Variants in HS2ST1 observed in about 807,000 individuals in gnomAD.
HS2ST1 encodes heparan sulfate 2-O-sulfotransferase 1.
A neutral mutation model predicts 42.9 loss-of-function variants in HS2ST1; 18 were observed. The ratio of observed to expected loss-of-function variants is 0.42; its 90% CI spans 0.29 to 0.62. HS2ST1 has a LOEUF of 0.62. Ranked by LOEUF, HS2ST1 falls within the 20% of genes least tolerant of loss-of-function variation. The pLI is 0.21. For missense variants in HS2ST1, 334 were observed against 433.8 expected, an observed-to-expected ratio of 0.77 and a Z score of 2.04; for synonymous variants, 146 against 152.9, an observed-to-expected ratio of 0.95 and a Z score of 0.33.
chr1:86,993,130 A>G (rs752393714), intron 1 of HS2ST1: 2 of 1,601,058 alleles, frequency 1.2e-6, no homozygotes, highest in Non-Finnish European at 8.5e-7. Context: ...TATGCCAGGT[A>G]CTGTATTTTG....
chr1:87,047,080 C>A (rs1223257186), intron 1 of HS2ST1, among the ~76,000 whole-genome samples: 2 of 152,110 alleles, frequency 1.3e-5, no homozygotes, highest in African/African-American at 2.4e-5. Context: ...TTCCCACCAG[C>A]AGTTCATGAG....
chr1:87,071,588 G>T (rs553817868), intron 1 of HS2ST1, among the ~76,000 whole-genome samples: 7 of 152,054 alleles, frequency 4.6e-5, no homozygotes, highest in Non-Finnish European at 8.8e-5. Flanking sequence ...AATTAGCTGG[G>T]TGTGGTGGCG....
At chr1:86,942,320 A>G (rs1239470370) in intron 1 of HS2ST1, among the ~76,000 whole-genome samples, 3 of 152,232 alleles carry the variant, frequency 2.0e-5, no homozygotes, top group South Asian at 2.1e-4. Context: ...TACTTTGTCA[A>G]ATAAGTTATC....
Position 87,000,996 on chromosome 1 carries a change from G to A in HS2ST1, c.125-71938G>A, listed in dbSNP as rs556790411. On this transcript the variant is annotated intron_variant, in intron 1 of 6. Transcript: ENST00000370550. The stretch of plus-strand genomic sequence containing the variant: ...GGGTTTGTTGCTTTGTAGTGGTCAG[G>A]TATCCAGAAGCTTCATCTTAAGTAT... 7.2e-5 allele frequency among the ~76,000 whole-genome samples: 11 copies of A among 152,222 alleles called. No individual in the cohort carries two copies. In the East Asian group the frequency reaches 2.1e-3, roughly 29 times the overall value.
At chr1:87,084,383 C>T in intron 3 of HS2ST1, 104 bp downstream of exon 3, 1 of 672,202 alleles carries the variant, frequency 1.5e-6, no homozygotes, top group South Asian at 2.4e-5. Flanking sequence ...AAAGAATGTA[C>T]TGTCTTGCCT....
chr1:87,103,613 T>G, intron 6 of HS2ST1, 24 bp downstream of exon 6: 4 of 1,480,964 alleles, frequency 2.7e-6, no homozygotes, highest in Non-Finnish European at 3.6e-6. Flanking sequence ...GGGTTTCTTT[T>G]TAAAGCTTTC....
chr1:86,965,482 G>T (rs554048715), intron 1 of HS2ST1, among the ~76,000 whole-genome samples: 6 of 151,870 alleles, frequency 4.0e-5, no homozygotes, highest in Non-Finnish European at 8.8e-5. Flanking sequence ...AGCAAATTTT[G>T]GTTTTTAATC....
intron 1 of HS2ST1, among the ~76,000 whole-genome samples, chr1:87,018,390 C>G (rs1649824837): frequency 6.6e-6 from 1 of 152,194 alleles, no homozygotes; most frequent in Non-Finnish European, 1.5e-5. Context: ...GTCATCTGCA[C>G]TCAATGGCCT....
rs1368708474 is a variant in HS2ST1, at chr1:86,990,826, ATATATATATATTTTTTT to A, written c.124+75668_124+75684del. ...CCTGGCTAATTTTATATATATATAT[ATATATATATATTTTTTT>A]TTTTTTTTTTTTTTTTAGTAGAGAT... On this transcript the variant is annotated intron_variant, in intron 1 of 6. Coordinates refer to ENST00000370550, the MANE Select transcript of HS2ST1 (RefSeq NM_012262.4). Among the ~76,000 whole-genome samples, 40 of 17,312 alleles carry A rather than the reference ATATATATATATTTTTTT, an allele frequency of 2.3e-3. No homozygotes were observed. The South Asian group carries it at 0.15, about 64-fold the overall frequency. 11.4% of individuals were successfully genotyped at this position (17,312 alleles called of 152,430 possible).
intron 1 of HS2ST1, among the ~76,000 whole-genome samples, chr1:86,988,538 G>A (rs1041170073): frequency 9.9e-5 from 15 of 152,214 alleles, no homozygotes; most frequent in Admixed American, 9.8e-4. Flanking sequence ...CACAAAAAGT[G>A]TAATGTTGGT....
At chr1:87,075,836 T>C (rs910662954) in intron 2 of HS2ST1, among the ~76,000 whole-genome samples, 2 of 152,200 alleles carry the variant, frequency 1.3e-5, no homozygotes, top group Non-Finnish European at 2.9e-5. Context: ...ATAATAGTTA[T>C]ATATATTCTG....
At chr1:86,963,895 G>T (rs1647946465) in intron 1 of HS2ST1, among the ~76,000 whole-genome samples, 1 of 150,032 alleles carries the variant, frequency 6.7e-6, no homozygotes, top group Non-Finnish European at 1.5e-5. Flanking sequence ...TGGCCTGGCG[G>T]GGGCTGCCCC....
chr1:87,024,817 T>C (rs932522451), intron 1 of HS2ST1, among the ~76,000 whole-genome samples: 3 of 152,232 alleles, frequency 2.0e-5, no homozygotes, highest in African/African-American at 7.2e-5. Context: ...TTCCTAAGTT[T>C]TATTTTACCT....
At chr1:86,918,326 C>T (rs1660212209) in intron 1 of HS2ST1, among the ~76,000 whole-genome samples, 2 of 152,010 alleles carry the variant, frequency 1.3e-5, no homozygotes, top group South Asian at 4.1e-4. Context: ...GAATGTTATA[C>T]ACATCTTTCC....
intron 2 of HS2ST1, among the ~76,000 whole-genome samples, chr1:87,080,043 C>G (rs948397569): frequency 6.6e-6 from 1 of 151,978 alleles, no homozygotes; most frequent in African/African-American, 2.4e-5. Flanking sequence ...GAATGAGATT[C>G]TGTCTCAAGA....
chr1:86,936,924 C>G (rs945143964), intron 1 of HS2ST1, among the ~76,000 whole-genome samples: 2 of 141,614 alleles, frequency 1.4e-5, no homozygotes, highest in African/African-American at 5.5e-5. Context: ...GGTGAAACCC[C>G]GTCTCTACTA....
chr1:87,024,656 T>A (rs1284259375), intron 1 of HS2ST1, among the ~76,000 whole-genome samples: 1 of 152,180 alleles, frequency 6.6e-6, no homozygotes, highest in Non-Finnish European at 1.5e-5. Flanking sequence ...TCTCATGGGA[T>A]TGCTGTAAGG....
At chr1:86,989,824 G>A (rs1320494124) in intron 1 of HS2ST1, among the ~76,000 whole-genome samples, 2 of 152,068 alleles carry the variant, frequency 1.3e-5, no homozygotes, top group South Asian at 4.2e-4. Flanking sequence ...TGTGATGTTT[G>A]GTTTTCTGTT....
intron 1 of HS2ST1, among the ~76,000 whole-genome samples, chr1:86,985,972 G>T (rs983136698): frequency 6.7e-6 from 1 of 149,218 alleles, no homozygotes; most frequent in African/African-American, 2.5e-5. Flanking sequence ...CACCTAAATT[G>T]TGTGAGCTTT....
Sources: gnomAD v4.1 joint callset for allele counts (sites outside exome capture counted in the v4.1 genomes callset) on GRCh38, gnomAD v4.1.1 for gene constraint, MANE v1.5 for transcripts, NCBI Gene and HGNC (gene_info 2026-07-23, HGNC 2026-07-21) for gene names.